Variants in PSD3 observed in about 807,000 individuals in gnomAD.
The protein encoded by PSD3 is PH and SEC7 domain-containing protein 3.
In PSD3, 49 loss-of-function variants were observed where a neutral mutation model predicts 105.5. The ratio of observed to expected loss-of-function variants is 0.46; its 90% CI spans 0.37 to 0.59. PSD3 has a LOEUF of 0.59. Among genes scored for constraint, PSD3 ranks in the 20% least tolerant of loss-of-function variants. The probability of loss-of-function intolerance (pLI) is 0.00; values close to 1 mark genes in which losing one functional copy is unlikely to be tolerated. For synonymous variants in PSD3, 557 were observed against 457.8 expected, an observed-to-expected ratio of 1.22 and a Z score of -2.77; for missense variants, 1,561 against 1,263.8, an observed-to-expected ratio of 1.24 and a Z score of -3.57.
chr8:18,777,319 G>C (rs1465753998), intron 8 of PSD3, among the ~76,000 whole-genome samples: 1 of 152,166 alleles, frequency 6.6e-6, no homozygotes, highest in Admixed American at 6.5e-5. Context: ...GGGATTACAA[G>C]TGTGAGCCAC....
intron 9 of PSD3, among the ~76,000 whole-genome samples, chr8:18,710,137 G>C (rs939753050): frequency 1.3e-5 from 2 of 152,184 alleles, no homozygotes; most frequent in Admixed American, 1.3e-4. Flanking sequence ...AACCCGTTTA[G>C]AGAGGAACAT....
At chr8:18,672,924 C>G (rs1029222230) in intron 9 of PSD3, among the ~76,000 whole-genome samples, 5 of 152,032 alleles carry the variant, frequency 3.3e-5, no homozygotes, top group Non-Finnish European at 7.4e-5. Context: ...GGAAATTATT[C>G]CAGTCTCGTA....
At chr8:18,687,715 G>A (rs1302655864) in intron 9 of PSD3, among the ~76,000 whole-genome samples, 2 of 152,062 alleles carry the variant, frequency 1.3e-5, no homozygotes, top group Admixed American at 6.5e-5. Flanking sequence ...GTGTGTGTGC[G>A]CTTGCCCATC....
At chr8:18,542,179 G>A (rs1256636605) in intron 15 of PSD3, among the ~76,000 whole-genome samples, 2 of 152,114 alleles carry the variant, frequency 1.3e-5, no homozygotes, top group Non-Finnish European at 2.9e-5. Context: ...ATAATTACTA[G>A]GTCTCATTAC....
rs535266350 is a variant in PSD3, at chr8:18,528,502, C to G, written c.*7241G>C. On this transcript the variant is annotated 3_prime_UTR_variant, in exon 16 of 16. Transcript: ENST00000327040. ...TCAGCAGGGTCACGCTATCAGGACA[C>G]CTGGATCCCTAAAGCAGGGGAAGTG... The G allele has an allele frequency of 6.6e-6, 1 of 152,224 alleles. No individual in the cohort carries two copies. The highest frequency in any genetic ancestry group is 1.9e-4 in the East Asian group (1 of 5,198). 9.4% of individuals were successfully genotyped at this position (152,224 alleles called of 1,614,324 possible).
At chr8:18,744,827 C>T (rs890711007) in intron 9 of PSD3, among the ~76,000 whole-genome samples, 6 of 152,206 alleles carry the variant, frequency 3.9e-5, no homozygotes, top group Non-Finnish European at 8.8e-5. Flanking sequence ...CTCTAGAACC[C>T]ACAAGGCCTT....
chr8:18,612,431 G>A (rs529980234), intron 11 of PSD3, among the ~76,000 whole-genome samples: 9 of 151,922 alleles, frequency 5.9e-5, no homozygotes, highest in African/African-American at 1.7e-4. Flanking sequence ...GGAGAGCAGC[G>A]GCGTGATCTC....
intron 8 of PSD3, among the ~76,000 whole-genome samples, chr8:18,777,883 G>A (rs1213902785): frequency 6.6e-6 from 1 of 152,080 alleles, no homozygotes. Flanking sequence ...TCCCTCATGA[G>A]GGAGAGCATA....
chr8:18,650,676 C>A (rs574516640), intron 10 of PSD3, among the ~76,000 whole-genome samples: 1 of 152,176 alleles, frequency 6.6e-6, no homozygotes, highest in Non-Finnish European at 1.5e-5. Flanking sequence ...GGGCCAGGCA[C>A]AGGAGAAGCT....
intron 2 of PSD3, among the ~76,000 whole-genome samples, chr8:18,879,538 G>A (rs1354182960): frequency 6.6e-6 from 1 of 152,162 alleles, no homozygotes; most frequent in Non-Finnish European, 1.5e-5. Context: ...AGGAGTAAAA[G>A]CCTGGGAGAA....
chr8:18,783,357 G>C (rs1808824348), intron 8 of PSD3, among the ~76,000 whole-genome samples: 1 of 152,060 alleles, frequency 6.6e-6, no homozygotes, highest in South Asian at 2.1e-4. Context: ...TTTTACTCAT[G>C]GTCAGTCTAA....
rs1215845074 is a variant in PSD3 at position 18,949,244 on chromosome 8, AATAT to A, written c.22-13106_22-13103del. Reference sequence around the variant, plus strand: ...CTCAAAAAAAAAAAAAAAAAAAAAAAATATATATATATATATATATATATATATA... The same window carrying A: ...CTCAAAAAAAAAAAAAAAAAAAAAAAATATATATATATATATATATATATA... On this transcript the variant is annotated intron_variant, in intron 1 of 15. Transcript: ENST00000327040. 5.7e-3 allele frequency among the ~76,000 whole-genome samples: 82 copies of A among 14,396 alleles called. 2 individuals are homozygous for A. The highest frequency in any genetic ancestry group is 0.011 in the East Asian group (6 of 560). The allele number at this position is 14,396 out of a possible 152,430, so 9.4% of individuals were successfully genotyped here.
intron 14 of PSD3, among the ~76,000 whole-genome samples, chr8:18,562,056 G>C (rs1299146884): frequency 6.6e-6 from 1 of 152,196 alleles, no homozygotes; most frequent in African/African-American, 2.4e-5. Context: ...GGCTCCAAGA[G>C]GGAAAGGAGG....
chr8:18,617,842 G>C (rs994762573), intron 11 of PSD3, among the ~76,000 whole-genome samples: 7 of 152,046 alleles, frequency 4.6e-5, no homozygotes, highest in African/African-American at 1.7e-4. Flanking sequence ...ATCACATGAT[G>C]GATAGCAGGT....
chr8:18,895,153 C>T (rs568330329), intron 2 of PSD3, among the ~76,000 whole-genome samples: 1 of 152,354 alleles, frequency 6.6e-6, no homozygotes, highest in East Asian at 1.9e-4. Flanking sequence ...GCTCTCTGAA[C>T]TGTGTGCCCC....
intron 4 of PSD3, among the ~76,000 whole-genome samples, chr8:18,823,221 A>C (rs919807596): frequency 6.6e-6 from 1 of 152,168 alleles, no homozygotes; most frequent in Non-Finnish European, 1.5e-5. Context: ...TCTGCAGAAA[A>C]TAAGATGCAC....
chr8:18,649,812 T>A (rs1010285787), intron 10 of PSD3, among the ~76,000 whole-genome samples: 1 of 152,116 alleles, frequency 6.6e-6, no homozygotes. Flanking sequence ...TATTGTGAGA[T>A]CTGGTTGTTT....
chr8:18,800,937 A>G (rs1158439968), intron 7 of PSD3: 1 of 159,904 alleles, frequency 6.3e-6, no homozygotes, highest in African/African-American at 2.4e-5. Flanking sequence ...TGAACAATTT[A>G]AAGAAAGTAC....
chr8:18,907,271 C>G (rs535183855), intron 2 of PSD3, among the ~76,000 whole-genome samples: 1 of 152,116 alleles, frequency 6.6e-6, no homozygotes. Flanking sequence ...CTTCCAGTCC[C>G]GTAAGCTCCA....
Sources: allele counts gnomAD v4.1 joint callset (sites outside exome capture counted in the v4.1 genomes callset), GRCh38; gene constraint gnomAD v4.1.1; transcripts MANE v1.5; gene names NCBI Gene and HGNC (gene_info 2026-07-23, HGNC 2026-07-21).